Variants in RBL2 observed in about 807,000 individuals in gnomAD.
RBL2 encodes RB transcriptional corepressor like 2, also known as retinoblastoma-like protein 2.
RBL2 carries 56 observed loss-of-function variants against 126.0 expected under a neutral mutation model. The observed-to-expected ratio is 0.44, with a 90% confidence interval of 0.36 to 0.56. The LOEUF is 0.56. RBL2 is among the 20% of genes least tolerant of loss of function. The pLI is 0.00. For synonymous variants in RBL2, 454 were observed against 478.5 expected (o/e 0.95, Z 0.67); for missense variants, 1,229 against 1,398.2 (o/e 0.88, Z 1.93).
Position 53,467,028 on chromosome 16 carries a change from C to T in RBL2, c.1864-30C>T, listed in dbSNP as rs764157917. The T allele has an allele frequency of 3.9e-6, 6 of 1,522,662 alleles. No individual in the cohort carries two copies. In the Admixed American group the frequency reaches 1.1e-4, roughly 27 times the overall value. The allele number at this position is 1,522,662 out of a possible 1,614,324, so 94.3% of individuals were successfully genotyped here. ...TGTAATTAAAGTGCTTTTTTGGATA[C>T]TGGCATTCTGTGTAACCAATTCTTC... On this transcript the variant is annotated intron_variant, in intron 13 of 21. Coordinates refer to ENST00000262133, the MANE Select transcript of RBL2 (RefSeq NM_005611.4).
intron 17 of RBL2, among the ~76,000 whole-genome samples, chr16:53,476,331 T>C (rs1159488701): frequency 1.3e-5 from 2 of 152,226 alleles, no homozygotes; most frequent in Non-Finnish European, 2.9e-5. Context: ...ATTTCTACTT[T>C]CATTGTGATT....
At position 53,448,390 on chromosome 16, in the gene RBL2, C is replaced by T. The variant is rs1206201665; in HGVS notation, c.637+1284C>T. 3.3e-5 allele frequency among the ~76,000 whole-genome samples: 5 copies of T among 152,304 alleles called. No homozygotes were observed. In the South Asian group the frequency reaches 8.3e-4, roughly 25 times the overall value. On this transcript the variant is annotated intron_variant, in intron 4 of 21. Transcript: ENST00000262133. ...GCCAGGCTGGCCTTGAACTCCTGAC[C>T]TCGTGATCCACCTGCGTCAGCCTCC...
intron 10 of RBL2, 25 bp downstream of exon 10, chr16:53,461,875 C>A: frequency 6.4e-7 from 1 of 1,560,600 alleles, no homozygotes; most frequent in Non-Finnish European, 8.8e-7. Flanking sequence ...TGTTATTCTG[C>A]TTTTATGTTT....
chr16:53,439,231 C>A, intron 2 of RBL2, 85 bp downstream of exon 2: 1 of 1,248,980 alleles, frequency 8.0e-7, no homozygotes, highest in Non-Finnish European at 1.1e-6. Flanking sequence ...CTCTGTTTAT[C>A]ATTTTCTGAG....
intron 5 of RBL2, among the ~76,000 whole-genome samples, chr16:53,452,488 T>C (rs562698884): frequency 6.6e-6 from 1 of 152,286 alleles, no homozygotes; most frequent in South Asian, 2.1e-4. Context: ...TCAGTTAAAA[T>C]TTCAGCTTGT....
chr16:53,479,034 G>A (rs1316713960), intron 17 of RBL2, 120 bp from the exon 18 acceptor site: 2 of 749,486 alleles, frequency 2.7e-6, no homozygotes, highest in Non-Finnish European at 4.7e-6. Flanking sequence ...CATTTCCAGA[G>A]ACTTTAAATA....
intron 17 of RBL2, among the ~76,000 whole-genome samples, chr16:53,476,812 C>T (rs1960741737): frequency 6.6e-6 from 1 of 152,154 alleles, no homozygotes; most frequent in Non-Finnish European, 1.5e-5. Flanking sequence ...CTTATGGTTG[C>T]TGTCTGTATA....
chr16:53,472,524 T>C (rs2150816416), intron 17 of RBL2, among the ~76,000 whole-genome samples: 2 of 152,360 alleles, frequency 1.3e-5, no homozygotes, highest in South Asian at 4.1e-4. Context: ...CATCTTTTCA[T>C]GTGCTTACTG....
At chr16:53,457,192 C>G (rs1308682703) in intron 8 of RBL2, among the ~76,000 whole-genome samples, 1 of 150,248 alleles carries the variant, frequency 6.7e-6, no homozygotes, top group Non-Finnish European at 1.5e-5. Flanking sequence ...CCGGAGTTCA[C>G]AGTTCACAGT....
chr16:53,471,052 C>A, intron 17 of RBL2, 130 bp downstream of exon 17: 1 of 916,572 alleles, frequency 1.1e-6, no homozygotes, highest in Non-Finnish European at 1.6e-6. Context: ...CTAAATGGGT[C>A]TTAGTATATT....
At chr16:53,443,321 C>T (rs566371527) in intron 3 of RBL2, 8 of 152,400 alleles carry the variant, frequency 5.2e-5, no homozygotes, top group South Asian at 2.1e-4. Context: ...TATGTGCTGC[C>T]GAAGGGAGCA....
chr16:53,481,101 G>T, intron 20 of RBL2: 1 of 206,930 alleles, frequency 4.8e-6, no homozygotes, highest in South Asian at 7.9e-5. Context: ...GGTGGTTGCA[G>T]TGACCTGAGA....
rs1555566426 is a variant in RBL2 at position 53,457,258 on chromosome 16, C to CCTTTTTTTTTTTTTTTTTTT, written c.1180-2193_1180-2192insCTTTTTTTTTTTTTTTTTTT. On this transcript the variant is annotated intron_variant, in intron 8 of 21. Coordinates refer to ENST00000262133, the MANE Select transcript of RBL2 (RefSeq NM_005611.4). ...GGGTCATCAGGGTGGGTACAGATAG[C>CCTTTTTTTTTTTTTTTTTTT]TTTTTTTTTTTTTTTTTTTGAGATG... is the stretch of plus-strand genomic sequence containing the variant. Among the ~76,000 whole-genome samples, 331 of 89,884 alleles carry CCTTTTTTTTTTTTTTTTTTT rather than the reference C, an allele frequency of 3.7e-3. 44 individuals carry two copies. The highest frequency in any genetic ancestry group is 4.6e-3 in the Non-Finnish European group (227 of 49,404). The allele number at this position is 89,884 out of a possible 152,430, so 59.0% of individuals were successfully genotyped here. A position where few individuals can be genotyped will look rare whatever the true frequency, so the allele number is the denominator to read the frequency against.
intron 1 of RBL2, among the ~76,000 whole-genome samples, chr16:53,438,317 A>G (rs2057979114): frequency 1.3e-5 from 2 of 152,158 alleles, no homozygotes; most frequent in African/African-American, 2.4e-5. Flanking sequence ...CAGGGTAGCT[A>G]AATTCTTACA....
At chr16:53,446,785 A>C (rs2058066257) in intron 3 of RBL2, among the ~76,000 whole-genome samples, 1 of 152,140 alleles carries the variant, frequency 6.6e-6, no homozygotes, top group African/African-American at 2.4e-5. Context: ...TTTCCACCTC[A>C]CCTATCTTGC....
intron 17 of RBL2, among the ~76,000 whole-genome samples, chr16:53,473,940 C>T (rs1960619164): frequency 6.6e-6 from 1 of 152,050 alleles, no homozygotes; most frequent in African/African-American, 2.4e-5. Flanking sequence ...GTATATTACA[C>T]TGATTAATCT....
At chr16:53,478,545 C>CT (rs71143989) in intron 17 of RBL2, among the ~76,000 whole-genome samples, 90,640 of 128,498 alleles carry the variant, frequency 0.71, 32,043 homozygotes, top group East Asian at 0.78. Context: ...TTTGCTAATC[C>CT]TTTTTTTTTT....
At chr16:53,479,626 A>G (rs1960864639) in intron 18 of RBL2, 2 of 461,984 alleles carry the variant, frequency 4.3e-6, no homozygotes, top group Non-Finnish European at 7.7e-6. Context: ...TGTGTATCTT[A>G]CTTAGAATGA....
At chr16:53,439,407 G>T (rs2057992593) in intron 2 of RBL2, among the ~76,000 whole-genome samples, 1 of 152,064 alleles carries the variant, frequency 6.6e-6, no homozygotes, top group African/African-American at 2.4e-5. Flanking sequence ...TTAAAGTTTA[G>T]GACATTGTGT....
Sources: allele counts gnomAD v4.1 joint callset (sites outside exome capture counted in the v4.1 genomes callset), GRCh38; gene constraint gnomAD v4.1.1; transcripts MANE v1.5; gene names NCBI Gene and HGNC (gene_info 2026-07-23, HGNC 2026-07-21).